Variants in FARS2 observed in about 807,000 individuals in gnomAD.
FARS2 encodes phenylalanine--tRNA ligase, mitochondrial.
FARS2 carries 40 observed loss-of-function variants against 46.4 expected under a neutral mutation model. That is an observed-to-expected ratio of 0.86 (90% CI 0.67 to 1.12). FARS2 has a LOEUF of 1.12. FARS2 is among the 50% of genes most tolerant of loss of function. The pLI, the probability that FARS2 is intolerant of heterozygous loss-of-function variation, is 0.00. For missense variants in FARS2, 513 were observed against 567.9 expected, an observed-to-expected ratio of 0.90 and a Z score of 0.98; for synonymous variants, 234 against 214.9, an observed-to-expected ratio of 1.09 and a Z score of -0.78.
intron 4 of FARS2, among the ~76,000 whole-genome samples, chr6:5,444,466 CAAAAAAAAA>C (rs751990577): frequency 2.2e-5 from 2 of 91,496 alleles, no homozygotes; most frequent in Non-Finnish European, 3.8e-5. Flanking sequence ...GACTCTGTCT[CAAAAAAAAA>C]AAAAAAAAAA....
At chr6:5,424,093 C>A (rs77962730) in intron 3 of FARS2, among the ~76,000 whole-genome samples, 8,521 of 152,178 alleles carry the variant, frequency 0.056, 270 homozygotes, top group South Asian at 0.084. Flanking sequence ...GGGTACTCAA[C>A]TGTTGCTTTA....
chr6:5,465,119 A>G (rs945772512), intron 4 of FARS2, among the ~76,000 whole-genome samples: 2 of 152,220 alleles, frequency 1.3e-5, no homozygotes, highest in African/African-American at 4.8e-5. Context: ...AGGAATAGAT[A>G]TGTGGAACAT....
chr6:5,394,457 C>T (rs1489136539), intron 2 of FARS2, among the ~76,000 whole-genome samples: 1 of 152,190 alleles, frequency 6.6e-6, no homozygotes, highest in Non-Finnish European at 1.5e-5. Context: ...TGCGTGACTA[C>T]ACTCCATGGT....
At chr6:5,586,626 A>G (rs1482052470) in intron 5 of FARS2, among the ~76,000 whole-genome samples, 1 of 152,092 alleles carries the variant, frequency 6.6e-6, no homozygotes, top group Non-Finnish European at 1.5e-5. Context: ...ATCCATGTTC[A>G]TTAGAAATAT....
chr6:5,362,440 A>G (rs938982541), intron 1 of FARS2, among the ~76,000 whole-genome samples: 1 of 152,186 alleles, frequency 6.6e-6, no homozygotes. Context: ...ATAATATTCT[A>G]TTGTATACAT....
Position 5,599,718 on chromosome 6 carries a change from G to C in FARS2, c.1066-13451G>C, listed in dbSNP as rs565976052. 3.5e-4 allele frequency among the ~76,000 whole-genome samples: 53 copies of C among 152,324 alleles called. 1 individual carries two copies. Among genetic ancestry groups the C allele is most frequent in the African/African-American group, 1.2e-3 (51 of 41,588 alleles). ...TTAGAACATTTTCATCACCCCAGAAGATACTGTACTTTTGGCATTTTTATT... is the reference window on the plus strand; with the variant it reads ...TTAGAACATTTTCATCACCCCAGAACATACTGTACTTTTGGCATTTTTATT... On this transcript the variant is annotated intron_variant, in intron 5 of 6. Transcript: ENST00000274680.
At chr6:5,550,510 C>T (rs1424518981) in intron 5 of FARS2, among the ~76,000 whole-genome samples, 2 of 152,200 alleles carry the variant, frequency 1.3e-5, no homozygotes, top group African/African-American at 4.8e-5. Flanking sequence ...AAGCAGTCTG[C>T]CTGCCTTGGC....
At chr6:5,286,768 C>T (rs1383035427) in intron 1 of FARS2, among the ~76,000 whole-genome samples, 1 of 151,984 alleles carries the variant, frequency 6.6e-6, no homozygotes, top group African/African-American at 2.4e-5. Flanking sequence ...ATAATGTATA[C>T]TTTATTATTA....
intron 4 of FARS2, among the ~76,000 whole-genome samples, chr6:5,509,236 TGA>T (rs1388679342): frequency 6.6e-6 from 1 of 152,246 alleles, no homozygotes; most frequent in Non-Finnish European, 1.5e-5. Context: ...ACTGTCTTCC[TGA>T]GATACTAAAC....
chr6:5,260,785 G>C (rs372834053), upstream of FARS2: 91 of 1,535,096 alleles, frequency 5.9e-5, 1 homozygote, highest in African/African-American at 1.2e-3. Context: ...TCCCAAGTAC[G>C]ACCCAACCCA....
rs934433144 is a variant in FARS2 at position 5,560,266 on chromosome 6, G to A, written c.1065+14926G>A. ...TCCTTCTACTTTGAGTTTGCTTCAA[G>A]TTGTTGCTACAAATGAATGCTAAAA... is the stretch of plus-strand genomic sequence containing the variant. On this transcript the variant is annotated intron_variant, in intron 5 of 6. Coordinates refer to ENST00000274680, the MANE Select transcript of FARS2 (RefSeq NM_006567.5). Among the ~76,000 whole-genome samples the A allele has an allele frequency of 6.6e-5, 10 of 152,232 alleles. No homozygotes were observed. The Middle Eastern group carries it at 0.02, about 311-fold the overall frequency.
At chr6:5,689,659 A>G (rs1757534985) in intron 6 of FARS2, among the ~76,000 whole-genome samples, 1 of 151,816 alleles carries the variant, frequency 6.6e-6, no homozygotes, top group Non-Finnish European at 1.5e-5. Context: ...GTGGTGCTGA[A>G]AAAAATGTAT....
At chr6:5,514,255 A>T (rs1157385828) in intron 4 of FARS2, among the ~76,000 whole-genome samples, 1 of 152,224 alleles carries the variant, frequency 6.6e-6, no homozygotes, top group Non-Finnish European at 1.5e-5. Context: ...TTTGTGAATT[A>T]TAATGAAATT....
intron 5 of FARS2, among the ~76,000 whole-genome samples, chr6:5,574,950 T>A (rs2150567268): frequency 7.0e-6 from 1 of 141,902 alleles, no homozygotes; most frequent in South Asian, 2.2e-4. Flanking sequence ...TCCGTTTACG[T>A]TTGATTGAAA....
chr6:5,428,085 G>A (rs770042324), intron 3 of FARS2, among the ~76,000 whole-genome samples: 10 of 152,134 alleles, frequency 6.6e-5, no homozygotes, highest in Non-Finnish European at 1.0e-4. Context: ...GCGGAGACGC[G>A]GCTTCCTATG....
chr6:5,771,517 A>C lies in FARS2; in HGVS notation c.*88A>C. On this transcript the variant is annotated 3_prime_UTR_variant, in exon 7 of 7. Coordinates refer to ENST00000274680, the MANE Select transcript of FARS2 (RefSeq NM_006567.5). Reference sequence around the variant, plus strand: ...GATATGGTTTGTGAACTGGGGCATCAATCATCTTTTGATAAATGGATCAGT... The same window carrying C: ...GATATGGTTTGTGAACTGGGGCATCCATCATCTTTTGATAAATGGATCAGT... 1 of 1,393,462 alleles carries C rather than the reference A, an allele frequency of 7.2e-7. No individual in the cohort carries two copies. 86.3% of individuals were successfully genotyped at this position (1,393,462 alleles called of 1,614,324 possible).
chr6:5,326,203 A>G (rs909160240), intron 1 of FARS2, among the ~76,000 whole-genome samples: 1 of 145,168 alleles, frequency 6.9e-6, no homozygotes, highest in Non-Finnish European at 1.5e-5. Context: ...CTGTCAGTGG[A>G]GAGCCTGCTT....
chr6:5,316,456 G>A (rs1769524996), intron 1 of FARS2, among the ~76,000 whole-genome samples: 1 of 152,198 alleles, frequency 6.6e-6, no homozygotes. Flanking sequence ...TGAGCAAAGT[G>A]AAAATCAATG....
At position 5,374,423 on chromosome 6, in the gene FARS2, A is replaced by C. The variant is rs115116515; in HGVS notation, c.612+5241A>C. On this transcript the variant is annotated intron_variant, in intron 2 of 6. Transcript: ENST00000274680. ...ATAAAAAAAGAGTGCAGGATAAATTAAAGATAAAAGCATTCATTACATGTA... is the reference window on the plus strand; with the variant it reads ...ATAAAAAAAGAGTGCAGGATAAATTCAAGATAAAAGCATTCATTACATGTA... Among the ~76,000 whole-genome samples, 664 of 152,224 alleles carry C rather than the reference A, an allele frequency of 4.4e-3. 4 individuals carry two copies. Among genetic ancestry groups the C allele is most frequent in the Non-Finnish European group, 6.1e-3 (415 of 67,950 alleles).
Sources: allele counts gnomAD v4.1 joint callset (sites outside exome capture counted in the v4.1 genomes callset), GRCh38; gene constraint gnomAD v4.1.1; transcripts MANE v1.5; gene names NCBI Gene and HGNC (gene_info 2026-07-23, HGNC 2026-07-21).